GDAP1: variants seen among roughly 807,000 people sequenced by gnomAD.
The protein encoded by GDAP1 is ganglioside induced differentiation associated protein 1.
A neutral mutation model predicts 40.1 loss-of-function variants in GDAP1; 34 were observed. The observed-to-expected ratio is 0.85, with a 90% CI of 0.64 to 1.13. The LOEUF is 1.13. GDAP1 is among the 50% of genes most tolerant of loss of function. The pLI, the probability that GDAP1 is intolerant of heterozygous loss-of-function variation, is 0.00. For synonymous variants in GDAP1, 170 were observed against 157.4 expected, an observed-to-expected ratio of 1.08 and a Z score of -0.60; for missense variants, 374 against 433.7, an observed-to-expected ratio of 0.86 and a Z score of 1.22.
At chr8:74,377,005 A>G (rs943693273) in intron 2 of GDAP1, among the ~76,000 whole-genome samples, 1 of 152,208 alleles carries the variant, frequency 6.6e-6, no homozygotes, top group Non-Finnish European at 1.5e-5. Context: ...GTAGATATCC[A>G]CATTAAAAAC....
At chr8:74,358,703 C>T (rs1324465359) in intron 2 of GDAP1, among the ~76,000 whole-genome samples, 1 of 152,030 alleles carries the variant, frequency 6.6e-6, no homozygotes, top group Non-Finnish European at 1.5e-5. Context: ...TTGTAGATCC[C>T]CCAAACATGT....
At chr8:74,404,008 C>A (rs7819969) in intron 2 of GDAP1, among the ~76,000 whole-genome samples, 71,632 of 149,384 alleles carry the variant, frequency 0.48, 18,613 homozygotes, top group East Asian at 0.6. Flanking sequence ...TTATCCAGTA[C>A]AAATAATTGA....
intron 1 of GDAP1, 147 bp downstream of exon 1, chr8:74,350,725 G>T (rs1808819039): frequency 2.8e-6 from 2 of 711,186 alleles, no homozygotes; most frequent in East Asian, 2.6e-5. Context: ...TCCAGGCGGG[G>T]ACGCGCCCGG....
intron 2 of GDAP1, among the ~76,000 whole-genome samples, chr8:74,477,355 G>A (rs1017206411): frequency 2.6e-5 from 4 of 152,196 alleles, no homozygotes; most frequent in African/African-American, 9.7e-5. Context: ...TTGCTTGGAG[G>A]AAAGAAGGCA....
chr8:74,477,398 C>G (rs1806643644), intron 2 of GDAP1, among the ~76,000 whole-genome samples: 1 of 151,826 alleles, frequency 6.6e-6, no homozygotes, highest in South Asian at 2.1e-4. Flanking sequence ...AGTTCTTGTG[C>G]TGGTTCTTTC....
At position 74,364,060 on chromosome 8, in the gene GDAP1, G is replaced by A. The variant is rs1425323007; in HGVS notation, c.770G>A (p.Arg257Gln). 6 of 1,613,952 alleles carry A rather than the reference G, an allele frequency of 3.7e-6. No homozygotes were observed. Among genetic ancestry groups the A allele is most frequent in the Middle Eastern group, 1.6e-4 (1 of 6,084 alleles). ...ADVSLAVTLH[R>Q]LKFLGFARRN... is the part of the protein sequence containing the mutation. ...GTCTCACTCGCTGTCACATTGCATC[G>A]ACTGAAGTTCCTGGGGTTTGCAAGG... The change falls in exon 6 of 6, where the codon CGA (arginine) becomes CAA (glutamine). Residue 257 changes from arginine to glutamine, a missense_variant. Physicochemically the swap from Arg to Gln is conservative, Grantham distance 43. Coordinates refer to ENST00000220822, the MANE Select transcript of GDAP1 (RefSeq NM_018972.4).
At chr8:74,417,757 CAA>C (rs71269993) in intron 2 of GDAP1, among the ~76,000 whole-genome samples, 5 of 75,932 alleles carry the variant, frequency 6.6e-5, no homozygotes, top group Non-Finnish European at 7.3e-5. Flanking sequence ...AACTCCATCT[CAA>C]AAAAAAAAAA....
chr8:74,361,974 TTAAAG>T lies in GDAP1; in HGVS notation c.579_579+4del. 2.6e-6 allele frequency: 4 copies of T among 1,566,926 alleles called. No individual in the cohort carries two copies. The highest frequency in any genetic ancestry group is 3.5e-6 in the Non-Finnish European group (4 of 1,138,858). On this transcript the variant is annotated splice_donor_variant and coding_sequence_variant, in exon 4 of 6. Transcript: ENST00000220822. LOFTEE classifies it high-confidence loss of function. ...GCATACATTGCAAAACAGAAACGAC[TTAAAG>T]TAAGCCAATCAGCTGTCCTCAGTTG... is the stretch of plus-strand genomic sequence containing the variant.
intron 2 of GDAP1, among the ~76,000 whole-genome samples, chr8:74,425,426 T>G (rs1487520546): frequency 1.3e-5 from 2 of 152,200 alleles, no homozygotes; most frequent in African/African-American, 2.4e-5. Context: ...ACTCACCAAA[T>G]ACATTTTTTA....
At chr8:74,465,220 CA>C (rs1806453977) in intron 2 of GDAP1, among the ~76,000 whole-genome samples, 1 of 151,820 alleles carries the variant, frequency 6.6e-6, no homozygotes. Context: ...GACTCCTCTC[CA>C]AAAATAAATA....
intron 2 of GDAP1, among the ~76,000 whole-genome samples, chr8:74,431,378 T>C (rs895928846): frequency 6.6e-6 from 1 of 152,226 alleles, no homozygotes; most frequent in African/African-American, 2.4e-5. Context: ...GAGGAGGGTT[T>C]AGTCTGGATT....
rs144013566 is a variant in GDAP1 at position 74,392,058 on chromosome 8, A to T, written c.165+40737A>T. On this transcript the variant is annotated intron_variant, in intron 2 of 2. Transcript: ENST00000523640. ...GGTCTCGAACTCCCGACCTCAGGTGATCTGCCTTCCTCGGCCTCCCAAAGT... is the reference window on the plus strand; with the variant it reads ...GGTCTCGAACTCCCGACCTCAGGTGTTCTGCCTTCCTCGGCCTCCCAAAGT... 5.6e-3 allele frequency among the ~76,000 whole-genome samples: 851 copies of T among 152,302 alleles called. 9 individuals carry two copies. The highest frequency in any genetic ancestry group is 0.019 in the African/African-American group (790 of 41,546).
At chr8:74,352,951 GCTT>G (rs1808947834) in intron 2 of GDAP1, among the ~76,000 whole-genome samples, 1 of 152,058 alleles carries the variant, frequency 6.6e-6, no homozygotes. Context: ...TGCCTGAACT[GCTT>G]CTACTATCAT....
chr8:74,390,530 G>C (rs1039451304), intron 2 of GDAP1, among the ~76,000 whole-genome samples: 1 of 152,144 alleles, frequency 6.6e-6, no homozygotes, highest in Non-Finnish European at 1.5e-5. Flanking sequence ...AGCAAAGATT[G>C]CTCCCTATTC....
At chr8:74,372,968 T>G (rs929640321) in intron 2 of GDAP1, among the ~76,000 whole-genome samples, 5 of 152,244 alleles carry the variant, frequency 3.3e-5, no homozygotes, top group Non-Finnish European at 7.3e-5. Context: ...GGGATCCAGT[T>G]TCAGCTTTCT....
intron 2 of GDAP1, among the ~76,000 whole-genome samples, chr8:74,354,867 G>A (rs1471085336): frequency 1.3e-5 from 2 of 152,194 alleles, no homozygotes; most frequent in African/African-American, 4.8e-5. Context: ...CATGAGGTGT[G>A]CAGTCGCCCA....
At chr8:74,481,065 T>C (rs1806704885) in intron 2 of GDAP1, among the ~76,000 whole-genome samples, 1 of 152,206 alleles carries the variant, frequency 6.6e-6, no homozygotes, top group Non-Finnish European at 1.5e-5. Context: ...TCCTTATAAT[T>C]TTATAATAAT....
intron 2 of GDAP1, among the ~76,000 whole-genome samples, chr8:74,401,114 G>C (rs1341367242): frequency 3.4e-5 from 5 of 149,050 alleles, no homozygotes; most frequent in Non-Finnish European, 7.4e-5. Flanking sequence ...TGCTAGATTG[G>C]GGAAGTTCTC....
intron 2 of GDAP1, among the ~76,000 whole-genome samples, chr8:74,424,288 TA>T (rs1805920586): frequency 6.6e-6 from 1 of 152,224 alleles, no homozygotes; most frequent in East Asian, 1.9e-4. Flanking sequence ...TTTCCCCAAA[TA>T]TTGTCAATCC....
Sources: allele counts gnomAD v4.1 joint callset (sites outside exome capture counted in the v4.1 genomes callset), GRCh38; gene constraint gnomAD v4.1.1; transcripts MANE v1.5; gene names NCBI Gene and HGNC (gene_info 2026-07-23, HGNC 2026-07-21).